Variants in NAALADL2 observed in about 807,000 individuals in gnomAD.
NAALADL2 encodes the protein N-acetylated alpha-linked acidic dipeptidase like 2, also known as inactive N-acetylated-alpha-linked acidic dipeptidase-like protein 2.
Under a neutral mutation model 87.2 loss-of-function variants are expected in NAALADL2, and 76 were observed. The ratio of observed to expected loss-of-function variants is 0.87; its 90% CI spans 0.72 to 1.05. The LOEUF (loss-of-function observed/expected upper bound fraction) is 1.05. Among genes scored for constraint, NAALADL2 ranks in the 50% least tolerant of loss-of-function variants. The pLI is 0.00. For missense variants in NAALADL2, 1,089 were observed against 945.8 expected (o/e 1.15, Z -1.99); for synonymous variants, 354 against 331.0 (o/e 1.07, Z -0.75).
chr3:175,025,968 C>T (rs569042525), intron 1 of NAALADL2, among the ~76,000 whole-genome samples: 25 of 152,128 alleles, frequency 1.6e-4, no homozygotes, highest in Non-Finnish European at 3.1e-4. Context: ...TACCACTATA[C>T]CCAGAGAATT....
chr3:174,729,746 CTT>C (rs1732532364), intron 2 of NAALADL2, among the ~76,000 whole-genome samples: 2 of 151,776 alleles, frequency 1.3e-5, no homozygotes, highest in Admixed American at 6.6e-5. Flanking sequence ...CATCATTCCT[CTT>C]GTTTTGAAAA....
intron 2 of NAALADL2, among the ~76,000 whole-genome samples, chr3:175,201,870 G>T (rs1580902689): frequency 6.6e-6 from 1 of 151,958 alleles, no homozygotes; most frequent in East Asian, 1.9e-4. Flanking sequence ...TTTGGAGGAG[G>T]TAGTGGGATT....
At chr3:174,756,340 T>A (rs554270904) in intron 3 of NAALADL2, among the ~76,000 whole-genome samples, 1 of 152,332 alleles carries the variant, frequency 6.6e-6, no homozygotes, top group Admixed American at 6.5e-5. Flanking sequence ...GCTTTTTCTA[T>A]TTCGTGGCTC....
At chr3:175,794,024 T>G (rs1030264347) in intron 13 of NAALADL2, among the ~76,000 whole-genome samples, 1 of 152,318 alleles carries the variant, frequency 6.6e-6, no homozygotes, top group Middle Eastern at 3.4e-3. Flanking sequence ...AAAATAAAGC[T>G]GAATTACCTA....
chr3:175,785,848 G>T (rs1036439872), intron 13 of NAALADL2, among the ~76,000 whole-genome samples: 6 of 150,362 alleles, frequency 4.0e-5, no homozygotes, highest in African/African-American at 7.6e-5. Context: ...GGTACCGGTT[G>T]TTCCTTTCTG....
intron 9 of NAALADL2, among the ~76,000 whole-genome samples, chr3:175,545,433 G>A (rs1713127869): frequency 6.6e-6 from 1 of 151,954 alleles, no homozygotes; most frequent in Non-Finnish European, 1.5e-5. Flanking sequence ...AGGAATGAAT[G>A]ATTTCCACAG....
At chr3:175,780,389 G>A (rs900685818) in intron 13 of NAALADL2, among the ~76,000 whole-genome samples, 1 of 151,800 alleles carries the variant, frequency 6.6e-6, no homozygotes, top group Admixed American at 6.6e-5. Context: ...ATGTGTATAC[G>A]TATCACATAT....
At chr3:174,877,290 T>C (rs1383423117) in intron 1 of NAALADL2, among the ~76,000 whole-genome samples, 2 of 152,158 alleles carry the variant, frequency 1.3e-5, no homozygotes, top group African/African-American at 4.8e-5. Flanking sequence ...GAGATCTCAG[T>C]AATTCAGTAC....
intron 5 of NAALADL2, among the ~76,000 whole-genome samples, chr3:175,423,028 A>ATAT (rs1553890338): frequency 8.1e-5 from 9 of 111,310 alleles, no homozygotes; most frequent in African/African-American, 3.3e-4. Context: ...GAAAAAAAAA[A>ATAT]ATATATATAT....
intron 11 of NAALADL2, among the ~76,000 whole-genome samples, chr3:175,651,460 T>C (rs950919542): frequency 1.3e-5 from 2 of 152,138 alleles, no homozygotes; most frequent in African/African-American, 2.4e-5. Context: ...TTCACTCTAA[T>C]TCATTTTGGA....
intron 3 of NAALADL2, among the ~76,000 whole-genome samples, chr3:174,788,661 G>A (rs1021882775): frequency 2.0e-5 from 3 of 152,094 alleles, no homozygotes; most frequent in African/African-American, 7.2e-5. Flanking sequence ...GAGATACTAG[G>A]GGGTAGGGCT....
intron 9 of NAALADL2, among the ~76,000 whole-genome samples, chr3:175,525,190 A>C (rs1397081509): frequency 6.6e-6 from 1 of 152,130 alleles, no homozygotes; most frequent in Non-Finnish European, 1.5e-5. Flanking sequence ...AATGTTATCT[A>C]ATTTTTCATT....
At chr3:174,554,763 C>G (rs1276034181) in intron 2 of NAALADL2, among the ~76,000 whole-genome samples, 1 of 151,616 alleles carries the variant, frequency 6.6e-6, no homozygotes, top group Non-Finnish European at 1.5e-5. Context: ...TCATATATAC[C>G]AATAATTTTT....
At chr3:175,213,190 T>C (rs770025772) in intron 2 of NAALADL2, among the ~76,000 whole-genome samples, 2 of 152,100 alleles carry the variant, frequency 1.3e-5, no homozygotes, top group Non-Finnish European at 2.9e-5. Context: ...CGCATTTAGT[T>C]AGTGGAAGAA....
intron 2 of NAALADL2, among the ~76,000 whole-genome samples, chr3:175,180,974 A>T (rs892754226): frequency 2.0e-5 from 3 of 152,034 alleles, no homozygotes; most frequent in African/African-American, 7.2e-5. Flanking sequence ...AGTTTTGTTA[A>T]TAACTGTGCT....
chr3:175,406,334 T>A (rs965113553), intron 5 of NAALADL2, among the ~76,000 whole-genome samples: 1 of 152,204 alleles, frequency 6.6e-6, no homozygotes, highest in African/African-American at 2.4e-5. Flanking sequence ...GGGTAGAGTA[T>A]CCTTATTTGA....
At chr3:174,826,074 A>AACAAC (rs1180626790) in intron 3 of NAALADL2, among the ~76,000 whole-genome samples, 1 of 151,694 alleles carries the variant, frequency 6.6e-6, no homozygotes, top group African/African-American at 2.4e-5. Context: ...CAACAACAAC[A>AACAAC]ATCAAACAAA....
At chr3:175,514,443 G>T (rs1027908569) in intron 9 of NAALADL2, among the ~76,000 whole-genome samples, 27 of 152,152 alleles carry the variant, frequency 1.8e-4, no homozygotes, top group Admixed American at 1.8e-3. Context: ...TTCTTTATGA[G>T]TACAAAAGAC....
intron 5 of NAALADL2, among the ~76,000 whole-genome samples, chr3:175,387,920 ATCT>A (rs1435339771): frequency 6.6e-6 from 1 of 152,064 alleles, no homozygotes; most frequent in Non-Finnish European, 1.5e-5. Context: ...AAGATATCTA[ATCT>A]TCTTAGAAAG....
Sources: gnomAD v4.1 joint callset for allele counts (sites outside exome capture counted in the v4.1 genomes callset) on GRCh38, gnomAD v4.1.1 for gene constraint, MANE v1.5 for transcripts, NCBI Gene and HGNC (gene_info 2026-07-23, HGNC 2026-07-21) for gene names.